FNIP2: variants seen among roughly 807,000 people sequenced by gnomAD.
The protein encoded by FNIP2 is folliculin-interacting protein 2.
FNIP2 carries 32 observed loss-of-function variants against 108.7 expected under a neutral mutation model. The ratio of observed to expected loss-of-function variants is 0.29; its 90% CI spans 0.22 to 0.40. The LOEUF is 0.40. Among genes scored for constraint, FNIP2 ranks in the 10% least tolerant of loss-of-function variants. The probability of loss-of-function intolerance (pLI) is 1.00; values close to 1 mark genes in which losing one functional copy is unlikely to be tolerated. For missense variants in FNIP2, 1,202 were observed against 1,381.6 expected, an observed-to-expected ratio of 0.87 and a Z score of 2.06; for synonymous variants, 480 against 496.7, an observed-to-expected ratio of 0.97 and a Z score of 0.45.
At chr4:158,888,561 G>A (rs891392020) in intron 14 of FNIP2, among the ~76,000 whole-genome samples, 4 of 152,088 alleles carry the variant, frequency 2.6e-5, no homozygotes, top group African/African-American at 7.2e-5. Context: ...TTGTTCTTTC[G>A]TCTTTACTCA....
At chr4:158,904,338 A>G in intron 16 of FNIP2, 128 bp from the exon 17 acceptor site, 1 of 808,582 alleles carries the variant, frequency 1.2e-6, no homozygotes, top group East Asian at 2.7e-5. Context: ...TTGCTTTTTC[A>G]TTAGTTTTAA....
intron 3 of FNIP2, among the ~76,000 whole-genome samples, chr4:158,829,643 A>C (rs1778351603): frequency 6.6e-6 from 1 of 152,206 alleles, no homozygotes; most frequent in South Asian, 2.1e-4. Context: ...GAACAGAAAG[A>C]AATGGCAAGA....
rs1778745738 is a variant in FNIP2, at chr4:158,835,438, G to A, written c.689G>A (p.Gly230Glu). 6.2e-7 allele frequency: 1 copy of A among 1,612,416 alleles called. No individual in the cohort carries two copies. The change falls in exon 7 of 17, where the codon GGA becomes GAA. Residue 230 changes from glycine (G) to glutamate (E), a missense_variant. By Grantham distance (98) the Gly-to-Glu change is moderately conservative. Transcript: ENST00000264433. The part of the protein sequence containing the change: ...HSTPVDMPSR[G>E]QNEDRDSGIA... ...ACACCAGTTGATATGCCAAGCAGAG[G>A]ACAGAATGAAGACAGGGACAGTGGC...
intron 14 of FNIP2, among the ~76,000 whole-genome samples, chr4:158,875,328 G>A (rs948484092): frequency 5.9e-5 from 9 of 151,656 alleles, no homozygotes; most frequent in African/African-American, 2.2e-4. Flanking sequence ...ACTACGTTTT[G>A]ATGTTTTTTA....
At chr4:158,821,682 TC>T (rs1221014528) in intron 1 of FNIP2, among the ~76,000 whole-genome samples, 1 of 152,164 alleles carries the variant, frequency 6.6e-6, no homozygotes, top group African/African-American at 2.4e-5. Context: ...GGGGAGAAGT[TC>T]CCAAAACTAT....
In FNIP2 at chr4:158,769,331, C is replaced by A; in HGVS notation, c.107+12C>A. 1 of 1,475,120 alleles carries A rather than the reference C, an allele frequency of 6.8e-7. No homozygotes were observed. The highest frequency in any genetic ancestry group is 2.4e-5 in the Admixed American group (1 of 41,668). 91.4% of individuals were successfully genotyped at this position (1,475,120 alleles called of 1,614,324 possible). ...GGACCCGCCTTTAGGTGAGGGGGCG[C>A]CGGGGGGCAATTCTGGCGCGGGACC... On this transcript the variant is annotated intron_variant, in intron 1 of 16. Coordinates refer to ENST00000264433, the MANE Select transcript of FNIP2 (RefSeq NM_020840.3).
At chr4:158,785,193 T>C (rs1776184496) in intron 1 of FNIP2, among the ~76,000 whole-genome samples, 1 of 149,996 alleles carries the variant, frequency 6.7e-6, no homozygotes, top group Non-Finnish European at 1.5e-5. Flanking sequence ...CAAGAGATTC[T>C]CCTGCCTCAG....
chr4:158,895,414 A>G (rs944767842), intron 15 of FNIP2, among the ~76,000 whole-genome samples: 16 of 152,342 alleles, frequency 1.1e-4, no homozygotes, highest in Middle Eastern at 3.4e-3. Flanking sequence ...TTATATCAAG[A>G]AGTTCTTAAT....
At chr4:158,807,907 G>A (rs1031565872) in intron 1 of FNIP2, among the ~76,000 whole-genome samples, 19 of 152,156 alleles carry the variant, frequency 1.2e-4, no homozygotes, top group African/African-American at 4.1e-4. Context: ...ATACATTTGA[G>A]TGTTCAGATA....
At chr4:158,805,151 G>T (rs951320708) in intron 1 of FNIP2, among the ~76,000 whole-genome samples, 40 of 152,152 alleles carry the variant, frequency 2.6e-4, no homozygotes, top group African/African-American at 8.9e-4. Context: ...TAGTACAAAG[G>T]TGCATTTAAA....
At chr4:158,886,823 C>A (rs1036765479) in intron 14 of FNIP2, among the ~76,000 whole-genome samples, 9 of 152,164 alleles carry the variant, frequency 5.9e-5, no homozygotes, top group African/African-American at 2.2e-4. Flanking sequence ...CCTGATTAAT[C>A]TGAGACAATA....
intron 16 of FNIP2, among the ~76,000 whole-genome samples, chr4:158,900,902 G>A (rs1288573376): frequency 6.6e-6 from 1 of 152,072 alleles, no homozygotes; most frequent in Non-Finnish European, 1.5e-5. Flanking sequence ...TTTTTTGCCC[G>A]TTAGTTGATG....
chr4:158,822,427 G>A lies in FNIP2; in HGVS notation c.108-3489G>A, dbSNP rs78913477. Among the ~76,000 whole-genome samples, 600 of 151,976 alleles carry A rather than the reference G, an allele frequency of 3.9e-3. 3 individuals carry two copies. The highest frequency in any genetic ancestry group is 0.014 in the African/African-American group (574 of 41,458). The stretch of plus-strand genomic sequence containing the variant: ...TGGGCTCAAGCGATCAGCCGGCCTC[G>A]GTCTCCCAAAGTCCTGGGATTACAG... On this transcript the variant is annotated intron_variant, in intron 1 of 16. Coordinates refer to ENST00000264433, the MANE Select transcript of FNIP2 (RefSeq NM_020840.3).
At chr4:158,777,049 A>G (rs754112217) in intron 1 of FNIP2, among the ~76,000 whole-genome samples, 1 of 152,190 alleles carries the variant, frequency 6.6e-6, no homozygotes, top group Non-Finnish European at 1.5e-5. Context: ...CCTCCCTAAA[A>G]AAACCTTTAA....
Position 158,769,101 on chromosome 4 carries a change from G to T in FNIP2, c.-112G>T, listed in dbSNP as rs1775600708. ...TCGCAGCGGCCCCGCGCTCCCGCAA[G>T]GCTGGGCGGCCGCGCCGCCGCGATG... On this transcript the variant is annotated 5_prime_UTR_variant, in exon 1 of 17. In the 5' UTR this introduces an upstream ATG that the reference lacks. Transcript: ENST00000264433. The T allele has an allele frequency of 7.6e-6, 2 of 264,216 alleles. No individual in the cohort carries two copies. Among genetic ancestry groups the T allele is most frequent in the Non-Finnish European group, 1.2e-5 (2 of 173,342 alleles). 16.4% of individuals were successfully genotyped at this position (264,216 alleles called of 1,614,324 possible). A position where few individuals can be genotyped will look rare whatever the true frequency, so the allele number is the denominator to read the frequency against.
chr4:158,889,229 A>G (rs1578986011), intron 14 of FNIP2, among the ~76,000 whole-genome samples: 1 of 152,290 alleles, frequency 6.6e-6, no homozygotes, highest in South Asian at 2.1e-4. Flanking sequence ...CTGATTTTTC[A>G]TGTTAGTATT....
At chr4:158,877,384 A>G (rs1466230532) in intron 14 of FNIP2, among the ~76,000 whole-genome samples, 1 of 152,294 alleles carries the variant, frequency 6.6e-6, no homozygotes, top group African/African-American at 2.4e-5. Context: ...ATGTATACCT[A>G]CAAGGATCCC....
chr4:158,809,848 A>T (rs1416151096), intron 1 of FNIP2, among the ~76,000 whole-genome samples: 1 of 152,250 alleles, frequency 6.6e-6, no homozygotes, highest in Non-Finnish European at 1.5e-5. Flanking sequence ...GGATGATTCT[A>T]AATGAGTATA....
At chr4:158,883,645 G>A (rs1781848243) in intron 14 of FNIP2, among the ~76,000 whole-genome samples, 1 of 152,180 alleles carries the variant, frequency 6.6e-6, no homozygotes, top group South Asian at 2.1e-4. Context: ...GAATACAGAA[G>A]TCTTCACACT....
Sources: gnomAD v4.1 joint callset for allele counts (sites outside exome capture counted in the v4.1 genomes callset) on GRCh38, gnomAD v4.1.1 for gene constraint, MANE v1.5 for transcripts, NCBI Gene and HGNC (gene_info 2026-07-23, HGNC 2026-07-21) for gene names.